Variants in DCC observed in about 807,000 individuals in gnomAD.
DCC encodes netrin receptor DCC.
Under a neutral mutation model 172.5 loss-of-function variants are expected in DCC, and 58 were observed. That is an observed-to-expected ratio of 0.34 (90% CI 0.27 to 0.42). The LOEUF (loss-of-function observed/expected upper bound fraction) is 0.42. DCC is among the 10% of genes least tolerant of loss of function. The probability of loss-of-function intolerance (pLI) is 1.00; values close to 1 mark genes in which losing one functional copy is unlikely to be tolerated. For synonymous variants in DCC, 709 were observed against 644.5 expected (o/e 1.10, Z -1.52); for missense variants, 1,740 against 1,791.0 (o/e 0.97, Z 0.51).
At chr18:52,696,120 C>T (rs1295513373) in intron 1 of DCC, among the ~76,000 whole-genome samples, 1 of 152,126 alleles carries the variant, frequency 6.6e-6, no homozygotes, top group East Asian at 1.9e-4. Context: ...CATATTGACA[C>T]ATATAACTTA....
chr18:52,561,815 C>T (rs1453285400), intron 1 of DCC, among the ~76,000 whole-genome samples: 3 of 152,170 alleles, frequency 2.0e-5, no homozygotes, highest in African/African-American at 7.2e-5. Flanking sequence ...CGCCCATTAG[C>T]TGTTACCTGT....
chr18:53,089,449 G>A (rs1022524820), intron 7 of DCC, among the ~76,000 whole-genome samples: 1 of 151,852 alleles, frequency 6.6e-6, no homozygotes, highest in Non-Finnish European at 1.5e-5. Flanking sequence ...CTGCCTCATT[G>A]TCTATGGAAA....
At chr18:53,312,340 CAAAAAA>C (rs1218591102) in intron 13 of DCC, among the ~76,000 whole-genome samples, 66 of 17,532 alleles carry the variant, frequency 3.8e-3, no homozygotes, top group East Asian at 0.011. Context: ...GACTCTGTCT[CAAAAAA>C]AAAAAAAAAA....
At chr18:53,502,515 C>T (rs1267834754) in intron 27 of DCC, among the ~76,000 whole-genome samples, 2 of 152,140 alleles carry the variant, frequency 1.3e-5, no homozygotes, top group Non-Finnish European at 2.9e-5. Context: ...GCTTCTTAGA[C>T]TTAAAGATGA....
chr18:52,649,769 G>C (rs2035092590), intron 1 of DCC, among the ~76,000 whole-genome samples: 2 of 152,084 alleles, frequency 1.3e-5, no homozygotes, highest in Admixed American at 1.3e-4. Context: ...GTATTCCAGT[G>C]AGTGACTTGA....
chr18:52,942,883 T>C (rs565220999), intron 5 of DCC, among the ~76,000 whole-genome samples: 21 of 152,304 alleles, frequency 1.4e-4, no homozygotes, highest in Admixed American at 1.0e-3. Context: ...TACAAAATAA[T>C]TATCATGAGA....
chr18:52,344,454 T>C (rs1983793926), intron 1 of DCC, among the ~76,000 whole-genome samples: 1 of 152,172 alleles, frequency 6.6e-6, no homozygotes, highest in African/African-American at 2.4e-5. Flanking sequence ...GCATCTTTAA[T>C]GAGAGGAAAT....
At chr18:53,506,332 C>G (rs897263643) in intron 27 of DCC, among the ~76,000 whole-genome samples, 9 of 152,000 alleles carry the variant, frequency 5.9e-5, no homozygotes, top group Non-Finnish European at 1.0e-4. Flanking sequence ...ATATCAGGTA[C>G]TAGAAAAAGA....
chr18:52,692,261 G>T (rs2035940159), intron 1 of DCC, among the ~76,000 whole-genome samples: 1 of 152,030 alleles, frequency 6.6e-6, no homozygotes, highest in African/African-American at 2.4e-5. Context: ...AAGGATCTTT[G>T]CCAAGTATTT....
At chr18:52,532,338 T>C (rs946143729) in intron 1 of DCC, among the ~76,000 whole-genome samples, 1 of 152,218 alleles carries the variant, frequency 6.6e-6, no homozygotes, top group African/African-American at 2.4e-5. Context: ...TAATTTTGTT[T>C]CTTTTTAATT....
chr18:53,027,866 G>A (rs1161988069), intron 5 of DCC, among the ~76,000 whole-genome samples: 1 of 151,934 alleles, frequency 6.6e-6, no homozygotes, highest in Non-Finnish European at 1.5e-5. Flanking sequence ...CTGGCCAAGG[G>A]GAGACAGTGG....
At chr18:52,846,980 C>A (rs1046355675) in intron 2 of DCC, among the ~76,000 whole-genome samples, 3 of 152,052 alleles carry the variant, frequency 2.0e-5, no homozygotes, top group Non-Finnish European at 4.4e-5. Flanking sequence ...TGCCTGACTT[C>A]AATATGTAAG....
chr18:52,570,124 G>A (rs1144086), intron 1 of DCC, among the ~76,000 whole-genome samples: 36,740 of 151,906 alleles, frequency 0.24, 4,558 homozygotes, highest in African/African-American at 0.29. Context: ...TTTATTAAGC[G>A]CATTTTATTT....
chr18:53,506,447 CAT>C lies in DCC; in HGVS notation c.4111+6939_4111+6940del, dbSNP rs2046176543. ...TCTTATGCTAAAGCCAAATAAATTG[CAT>C]AGAGTGGAAAAGACACTTGAAACCA... On this transcript the variant is annotated intron_variant, in intron 27 of 28. Coordinates refer to ENST00000442544, the MANE Select transcript of DCC (RefSeq NM_005215.4). 2.0e-5 allele frequency among the ~76,000 whole-genome samples: 3 copies of C among 152,068 alleles called. 1 individual carries two copies. In the South Asian group the frequency reaches 6.2e-4, roughly 32 times the overall value.
intron 1 of DCC, among the ~76,000 whole-genome samples, chr18:52,522,632 T>C (rs1394859833): frequency 6.6e-6 from 1 of 152,224 alleles, no homozygotes; most frequent in East Asian, 1.9e-4. Flanking sequence ...AGTGCCACTT[T>C]ATCATTGCAT....
chr18:53,177,306 T>G (rs2055117115), intron 8 of DCC, among the ~76,000 whole-genome samples: 1 of 152,008 alleles, frequency 6.6e-6, no homozygotes, highest in Non-Finnish European at 1.5e-5. Flanking sequence ...AATGTGCACA[T>G]GTACCCTAAA....
At chr18:52,567,820 A>T (rs914112628) in intron 1 of DCC, among the ~76,000 whole-genome samples, 2 of 151,182 alleles carry the variant, frequency 1.3e-5, no homozygotes, top group Non-Finnish European at 3.0e-5. Context: ...TATTGAGCTT[A>T]AAAAAAAACA....
chr18:53,528,394 A>G (rs929293578), intron 28 of DCC, among the ~76,000 whole-genome samples: 1 of 152,128 alleles, frequency 6.6e-6, no homozygotes, highest in Admixed American at 6.5e-5. Context: ...ATAGCTGTTT[A>G]TGTCAATATC....
intron 23 of DCC, among the ~76,000 whole-genome samples, chr18:53,455,824 A>G (rs1361841830): frequency 6.6e-6 from 1 of 152,188 alleles, no homozygotes; most frequent in Non-Finnish European, 1.5e-5. Flanking sequence ...ACAATGCAGA[A>G]ATTCCCAGGA....
Sources: allele counts gnomAD v4.1 joint callset (sites outside exome capture counted in the v4.1 genomes callset), GRCh38; gene constraint gnomAD v4.1.1; transcripts MANE v1.5; gene names NCBI Gene and HGNC (gene_info 2026-07-23, HGNC 2026-07-21).